Variants in GLRA3 observed in about 807,000 individuals in gnomAD.
The protein encoded by GLRA3 is glycine receptor alpha 3.
Under a neutral mutation model 60.4 loss-of-function variants are expected in GLRA3, and 44 were observed. The observed-to-expected ratio is 0.73, with a 90% CI of 0.57 to 0.94. The LOEUF is 0.94. Among genes scored for constraint, GLRA3 ranks in the 40% least tolerant of loss-of-function variants. The pLI, the probability that GLRA3 is intolerant of heterozygous loss-of-function variation, is 0.00. For missense variants in GLRA3, 508 were observed against 564.6 expected, an observed-to-expected ratio of 0.90 and a Z score of 1.02; for synonymous variants, 223 against 192.9, an observed-to-expected ratio of 1.16 and a Z score of -1.29.
chr4:174,815,950 G>T (rs73008390), intron 1 of GLRA3, among the ~76,000 whole-genome samples: 2 of 152,000 alleles, frequency 1.3e-5, no homozygotes, highest in Non-Finnish European at 2.9e-5. Flanking sequence ...TTTCTTTTCC[G>T]TGGCATCATC....
At chr4:174,792,432 A>G (rs1438340265) in intron 1 of GLRA3, among the ~76,000 whole-genome samples, 1 of 152,054 alleles carries the variant, frequency 6.6e-6, no homozygotes, top group Non-Finnish European at 1.5e-5. Flanking sequence ...TTTTACATCA[A>G]TTACCTCTTG....
At chr4:174,739,871 A>C (rs1736946306) in intron 3 of GLRA3, among the ~76,000 whole-genome samples, 1 of 152,164 alleles carries the variant, frequency 6.6e-6, no homozygotes, top group African/African-American at 2.4e-5. Context: ...TAATAATGTA[A>C]CTGGAAGGAT....
At chr4:174,727,333 C>A (rs1009131703) in intron 4 of GLRA3, among the ~76,000 whole-genome samples, 1 of 152,120 alleles carries the variant, frequency 6.6e-6, no homozygotes, top group Non-Finnish European at 1.5e-5. Flanking sequence ...AAATCAAATA[C>A]CCCCATTCCT....
intron 4 of GLRA3, among the ~76,000 whole-genome samples, chr4:174,718,942 T>C (rs1275727879): frequency 6.7e-6 from 1 of 150,360 alleles, no homozygotes; most frequent in Non-Finnish European, 1.5e-5. Context: ...CCTGGGGTTC[T>C]AGTTCTAGAT....
intron 5 of GLRA3, among the ~76,000 whole-genome samples, chr4:174,698,071 A>G (rs1350364429): frequency 6.6e-6 from 1 of 152,200 alleles, no homozygotes; most frequent in African/African-American, 2.4e-5. Context: ...ATAGGCCCCA[A>G]ATCATAACCG....
At chr4:174,722,538 CA>C (rs1340764806) in intron 4 of GLRA3, 2 of 152,274 alleles carry the variant, frequency 1.3e-5, no homozygotes, top group Non-Finnish European at 2.9e-5. Context: ...GAAGTGCATT[CA>C]TTTTTAAGTT....
intron 4 of GLRA3, among the ~76,000 whole-genome samples, chr4:174,717,472 C>T (rs941004739): frequency 6.6e-6 from 1 of 152,092 alleles, no homozygotes; most frequent in African/African-American, 2.4e-5. Flanking sequence ...GTCAAGCTGA[C>T]ATTTTTATGT....
intron 1 of GLRA3, among the ~76,000 whole-genome samples, chr4:174,803,687 T>G (rs943911618): frequency 3.3e-5 from 5 of 152,218 alleles, no homozygotes; most frequent in African/African-American, 1.2e-4. Context: ...ACCATGACTC[T>G]TTCGGTCAGG....
intron 9 of GLRA3, among the ~76,000 whole-genome samples, chr4:174,648,905 C>T (rs1038181656): frequency 1.3e-5 from 2 of 152,116 alleles, no homozygotes; most frequent in Non-Finnish European, 2.9e-5. Context: ...AGATTATTGC[C>T]TGCTGGGAGG....
chr4:174,712,525 A>G (rs990359493), intron 5 of GLRA3: 1 of 152,180 alleles, frequency 6.6e-6, no homozygotes, highest in African/African-American at 2.4e-5. Flanking sequence ...GACCATTGAC[A>G]TATATTTATT....
chr4:174,705,895 T>C (rs769264162), intron 5 of GLRA3, among the ~76,000 whole-genome samples: 1 of 151,988 alleles, frequency 6.6e-6, no homozygotes, highest in Non-Finnish European at 1.5e-5. Context: ...TCATTTCAGA[T>C]GGTGATATGT....
chr4:174,824,455 T>C (rs1342537050), intron 1 of GLRA3, among the ~76,000 whole-genome samples: 1 of 152,216 alleles, frequency 6.6e-6, no homozygotes, highest in Non-Finnish European at 1.5e-5. Context: ...TACTCAGTTA[T>C]AATTAAATTA....
chr4:174,786,817 G>A (rs1419562971), intron 2 of GLRA3, among the ~76,000 whole-genome samples: 1 of 152,022 alleles, frequency 6.6e-6, no homozygotes, highest in Admixed American at 6.6e-5. Context: ...AATGTTCAGA[G>A]CACAAGATAT....
chr4:174,683,920 T>C (rs892764001), intron 5 of GLRA3, among the ~76,000 whole-genome samples: 1 of 152,190 alleles, frequency 6.6e-6, no homozygotes, highest in Admixed American at 6.5e-5. Context: ...TTAGATTAAT[T>C]TGAATTAAGT....
intron 9 of GLRA3, among the ~76,000 whole-genome samples, chr4:174,651,095 G>A (rs2110862148): frequency 6.6e-6 from 1 of 152,160 alleles, no homozygotes. Context: ...TACTATTAAG[G>A]GCTTGGAACA....
At position 174,642,577 on chromosome 4, in the gene GLRA3, A is replaced by G; in HGVS notation, c.*1209T>C. 1.0e-6 allele frequency: 1 copy of G among 972,896 alleles called. No individual in the cohort carries two copies. Among genetic ancestry groups the G allele is most frequent in the Non-Finnish European group, 1.2e-6 (1 of 818,590 alleles). 60.3% of individuals were successfully genotyped at this position (972,896 alleles called of 1,614,324 possible). On this transcript the variant is annotated 3_prime_UTR_variant, in exon 10 of 10. Coordinates refer to ENST00000274093, the MANE Select transcript of GLRA3 (RefSeq NM_006529.4). ...CTAATGCTCTGTTTTTGTTGAAGTA[A>G]TCCCATGGGGTCATTGAAAAATTTT... is the stretch of plus-strand genomic sequence containing the variant.
chr4:174,756,149 T>C (rs1737687967), intron 3 of GLRA3, among the ~76,000 whole-genome samples: 2 of 152,160 alleles, frequency 1.3e-5, no homozygotes, highest in Non-Finnish European at 2.9e-5. Context: ...TGGATGGCAT[T>C]ACTGGTGAAT....
In GLRA3 at chr4:174,677,254, G is replaced by T. The variant is rs749930503; in HGVS notation, c.751C>A (p.Arg251=). 3 of 1,611,484 alleles carry T rather than the reference G, an allele frequency of 1.9e-6. No homozygotes were observed. In the African/African-American group the frequency reaches 4.0e-5, roughly 22 times the overall value. The change falls in exon 7 of 10, where the codon CGA becomes AGA. Residue 251 remains arginine, a synonymous_variant. Coordinates refer to ENST00000274093, the MANE Select transcript of GLRA3 (RefSeq NM_006529.4). ...TGGATCAGATAGTATCCCATTTGTCGCTCCAGATGGAATCGCACTTCTATA... is the reference window on the plus strand; with the variant it reads ...TGGATCAGATAGTATCCCATTTGTCTCTCCAGATGGAATCGCACTTCTATA... ...TCIEVRFHLE[R]QMGYYLIQMY...
intron 3 of GLRA3, among the ~76,000 whole-genome samples, chr4:174,731,567 G>A (rs1736549404): frequency 6.6e-6 from 1 of 152,112 alleles, no homozygotes; most frequent in Admixed American, 6.5e-5. Flanking sequence ...TTTTTTAAAA[G>A]AAAATTTAGC....
Sources: gnomAD v4.1 joint callset for allele counts (sites outside exome capture counted in the v4.1 genomes callset) on GRCh38, gnomAD v4.1.1 for gene constraint, MANE v1.5 for transcripts, NCBI Gene and HGNC (gene_info 2026-07-23, HGNC 2026-07-21) for gene names.